XIRP2: variants seen among roughly 807,000 people sequenced by gnomAD.
XIRP2 encodes xin actin-binding repeat-containing protein 2.
Under a neutral mutation model 277.0 loss-of-function variants are expected in XIRP2, and 236 were observed. The ratio of observed to expected loss-of-function variants is 0.85; its 90% CI spans 0.77 to 0.95. XIRP2 has a LOEUF of 0.95. XIRP2 is among the 40% of genes least tolerant of loss of function. The pLI is 0.00. For synonymous variants in XIRP2, 1,490 were observed against 1,416.5 expected, an observed-to-expected ratio of 1.05 and a Z score of -1.17; for missense variants, 4,640 against 4,157.5, an observed-to-expected ratio of 1.12 and a Z score of -3.19.
intron 2 of XIRP2, among the ~76,000 whole-genome samples, chr2:166,958,237 G>A (rs1384138358): frequency 6.6e-6 from 1 of 151,896 alleles, no homozygotes; most frequent in Non-Finnish European, 1.5e-5. Context: ...TGTGGGGGAT[G>A]GCAATTAAAA....
At chr2:166,951,188 C>T (rs1006818094) in intron 2 of XIRP2, among the ~76,000 whole-genome samples, 8 of 152,108 alleles carry the variant, frequency 5.3e-5, no homozygotes, top group African/African-American at 1.7e-4. Flanking sequence ...ATTAGTTAAG[C>T]TTGTATATAC....
At chr2:167,184,300 A>G (rs999181711) in intron 3 of XIRP2, among the ~76,000 whole-genome samples, 1 of 152,098 alleles carries the variant, frequency 6.6e-6, no homozygotes, top group Non-Finnish European at 1.5e-5. Flanking sequence ...AAGGCTTTCA[A>G]CTGTTACCAG....
chr2:166,962,492 C>T (rs540743270), intron 2 of XIRP2, among the ~76,000 whole-genome samples: 1 of 151,726 alleles, frequency 6.6e-6, no homozygotes, highest in Admixed American at 6.6e-5. Flanking sequence ...AGAAAAAATG[C>T]CTCATACATC....
intron 2 of XIRP2, among the ~76,000 whole-genome samples, chr2:166,933,073 C>T (rs1271147205): frequency 6.6e-6 from 1 of 151,922 alleles, no homozygotes; most frequent in Non-Finnish European, 1.5e-5. Flanking sequence ...AATCTACACA[C>T]ACACACACAC....
chr2:167,248,449 G>A lies in XIRP2; in HGVS notation c.7057G>A (p.Glu2353Lys), dbSNP rs373342161. Residue 2353 changes from glutamate (E) to lysine (K), a missense_variant, in exon 9 of 11, where the codon GAG becomes AAG. Transcript: ENST00000409195. ...CCCTCTTCCTCCACCTCCAGTAGAT[G>A]AGAAATCTGAAAGAGAAAGTTCATC... ...GLPLPPPPVD[E>K]KSERESSSMF... is the part of the protein sequence containing the mutation. 11 of 1,613,444 alleles carry A rather than the reference G, an allele frequency of 6.8e-6. 1 individual carries two copies. Among genetic ancestry groups the A allele is most frequent in the Non-Finnish European group, 5.9e-6 (7 of 1,179,756 alleles).
intron 3 of XIRP2, among the ~76,000 whole-genome samples, chr2:167,164,826 A>G (rs1377218110): frequency 1.3e-5 from 2 of 152,240 alleles, no homozygotes; most frequent in South Asian, 2.1e-4. Flanking sequence ...TCCGTTATCA[A>G]TATTTCCCAC....
In XIRP2 at chr2:166,897,291, GC is replaced by G. The variant is rs1389157560; in HGVS notation, c.-18-6171del. ...CATTCTGCAAGACTAGCACTCAGTGGCCCTACGGAAGTGTGCCTACTGCCCT... is the reference window on the plus strand; with the variant it reads ...CATTCTGCAAGACTAGCACTCAGTGGCCTACGGAAGTGTGCCTACTGCCCT... On this transcript the variant is annotated intron_variant, in intron 1 of 10. Transcript: ENST00000409195. Among the ~76,000 whole-genome samples the G allele has an allele frequency of 9.2e-5, 14 of 152,224 alleles. No homozygotes were observed. The East Asian group carries it at 1.7e-3, about 19-fold the overall frequency.
chr2:167,009,045 A>G lies in XIRP2; in HGVS notation c.408+105155A>G, dbSNP rs1286394318. ...ACTGCTGCAACTTCCTATTGGCAAT[A>G]TTTATTTATTTATTATTTTATTTTA... On this transcript the variant is annotated intron_variant, in intron 2 of 10. Transcript: ENST00000409195. Among the ~76,000 whole-genome samples, 3 of 151,150 alleles carry G rather than the reference A, an allele frequency of 2.0e-5. No homozygotes were observed. The East Asian group carries it at 5.8e-4, about 29-fold the overall frequency.
intron 1 of XIRP2, among the ~76,000 whole-genome samples, chr2:166,898,019 T>G (rs1684287820): frequency 6.6e-6 from 1 of 152,076 alleles, no homozygotes; most frequent in South Asian, 2.1e-4. Flanking sequence ...GGCAGCTGTA[T>G]GGTTTGTTTC....
At chr2:167,100,809 C>T (rs113501476) in intron 2 of XIRP2, among the ~76,000 whole-genome samples, 4,761 of 152,204 alleles carry the variant, frequency 0.031, 87 homozygotes, top group East Asian at 0.05. Context: ...TTAGTAATTC[C>T]CTGCTCCCAA....
In XIRP2 at chr2:167,259,069, G is replaced by GA. The variant is rs1242159919; in HGVS notation, c.*1256dup. 9.3e-6 allele frequency: 15 copies of GA among 1,611,370 alleles called. No individual in the cohort carries two copies. The highest frequency in any genetic ancestry group is 1.7e-5 in the Admixed American group (1 of 59,752). ...TACACTTTTTCTTTTCTAACACCGT[G>GA]AAAATCACTGCATTTTCCAAGAAAA... On this transcript the variant is annotated 3_prime_UTR_variant, in exon 11 of 11. Coordinates refer to ENST00000409195, the MANE Select transcript of XIRP2 (RefSeq NM_152381.6).
Position 167,251,263 on chromosome 2 carries a change from G to A in XIRP2, c.9871G>A (p.Asp3291Asn), listed in dbSNP as rs772297189. ...DHMVPDTESY[D>N]AVEIIRKVAV... ...CATGGTGCCCGACACTGAAAGTTAT[G>A]ATGCAGTTGAAATCATCCGCAAGGT... The change falls in exon 9 of 11, where the codon GAT becomes AAT. Residue 3291 changes from aspartate (D) to asparagine (N), a missense_variant. Coordinates refer to ENST00000409195, the MANE Select transcript of XIRP2 (RefSeq NM_152381.6). The A allele has an allele frequency of 1.2e-6, 2 of 1,613,584 alleles. No individual in the cohort carries two copies. The highest frequency in any genetic ancestry group is 1.7e-6 in the Non-Finnish European group (2 of 1,179,690).
At chr2:167,010,367 A>G (rs1687635445) in intron 2 of XIRP2, among the ~76,000 whole-genome samples, 1 of 151,690 alleles carries the variant, frequency 6.6e-6, no homozygotes, top group African/African-American at 2.4e-5. Context: ...TTTGTCAAAG[A>G]TCAGATAGTT....
intron 2 of XIRP2, among the ~76,000 whole-genome samples, chr2:166,922,894 T>C (rs936497266): frequency 4.6e-5 from 7 of 151,622 alleles, no homozygotes; most frequent in Non-Finnish European, 1.0e-4. Context: ...TAATGATTTC[T>C]AGTACTCAGA....
chr2:166,995,029 G>C (rs149705419), intron 2 of XIRP2, among the ~76,000 whole-genome samples: 2 of 151,578 alleles, frequency 1.3e-5, no homozygotes, highest in Admixed American at 1.3e-4. Context: ...CTACAGGTGC[G>C]CACCACCTCG....
chr2:167,213,989 T>G (rs4610018), intron 4 of XIRP2, among the ~76,000 whole-genome samples: 2 of 150,824 alleles, frequency 1.3e-5, no homozygotes, highest in African/African-American at 4.9e-5. Context: ...GAGGCTGAGG[T>G]GGGTGGATCA....
At chr2:166,959,772 A>G (rs1003916430) in intron 2 of XIRP2, among the ~76,000 whole-genome samples, 3 of 151,684 alleles carry the variant, frequency 2.0e-5, no homozygotes, top group Non-Finnish European at 4.4e-5. Context: ...ACTGAAGAAA[A>G]CGAGTTTCAG....
At chr2:167,029,108 G>A (rs2105500662) in intron 2 of XIRP2, among the ~76,000 whole-genome samples, 1 of 152,038 alleles carries the variant, frequency 6.6e-6, no homozygotes, top group African/African-American at 2.4e-5. Context: ...TGACTTAATG[G>A]TCTTAAAGAG....
At chr2:166,965,100 T>C (rs953890967) in intron 2 of XIRP2, among the ~76,000 whole-genome samples, 21 of 152,032 alleles carry the variant, frequency 1.4e-4, no homozygotes, top group African/African-American at 4.3e-4. Context: ...GCAAAAGTGA[T>C]GCATGTCACT....
Sources: allele counts gnomAD v4.1 joint callset (sites outside exome capture counted in the v4.1 genomes callset), GRCh38; gene constraint gnomAD v4.1.1; transcripts MANE v1.5; gene names NCBI Gene and HGNC (gene_info 2026-07-23, HGNC 2026-07-21).